The following EP300 variants were observed in gnomAD, a reference collection of about 807,000 sequenced individuals.
EP300 encodes the protein EP300 lysine acetyltransferase.
A neutral mutation model predicts 264.0 loss-of-function variants in EP300; 31 were observed. That is an observed-to-expected ratio of 0.12 (90% confidence interval 0.09 to 0.16). The LOEUF (loss-of-function observed/expected upper bound fraction) is 0.16, where lower values mean the gene tolerates loss of function less well. Among genes scored for constraint, EP300 ranks in the 10% least tolerant of loss-of-function variants. The pLI is 1.00. For synonymous variants in EP300, 1,340 were observed against 1,045.4 expected (o/e 1.28, Z -5.44); for missense variants, 2,766 against 3,052.9 (o/e 0.91, Z 2.21).
rs199568014 is a variant in EP300, at chr22:41,129,841, T to C, written c.1169-49T>C. On this transcript the variant is annotated intron_variant, in intron 4 of 30. Coordinates refer to ENST00000263253, the MANE Select transcript of EP300 (RefSeq NM_001429.4). The stretch of plus-strand genomic sequence containing the variant: ...TGGTCAACAAGTTAGCTATTATTAA[T>C]GTAAAAACATTAACCTGCTCTTGAA... The C allele has an allele frequency of 6.4e-6, 9 of 1,415,738 alleles. No individual in the cohort carries two copies. The Admixed American group carries it at 1.2e-4, about 19-fold the overall frequency. 87.7% of individuals were successfully genotyped at this position (1,415,738 alleles called of 1,614,324 possible).
chr22:41,148,569 A>C (rs1047353024), intron 12 of EP300, among the ~76,000 whole-genome samples: 1 of 152,178 alleles, frequency 6.6e-6, no homozygotes, highest in Non-Finnish European at 1.5e-5. Context: ...AATGACATGT[A>C]ACAGTGCTAG....
Position 41,155,089 on chromosome 22 carries a change from G to A in EP300, c.3237G>A (p.Val1079=), listed in dbSNP as rs2145744920. ...DPESLPFRQP[V]DPQLLGIPDY... is the part of the protein sequence containing the mutation. ...AATCCCTTCCCTTTCGTCAACCTGTGGACCCTCAGCTTTTAGGAATCCCTG... is the reference window on the plus strand; with the variant it reads ...AATCCCTTCCCTTTCGTCAACCTGTAGACCCTCAGCTTTTAGGAATCCCTG... The change falls in exon 17 of 31, where the codon GTG becomes GTA. Residue 1079 remains valine, a synonymous_variant. Coordinates refer to ENST00000263253, the MANE Select transcript of EP300 (RefSeq NM_001429.4). 6.2e-7 allele frequency: 1 copy of A among 1,613,496 alleles called. No homozygotes were observed. The highest frequency in any genetic ancestry group is 8.5e-7 in the Non-Finnish European group (1 of 1,179,552).
At chr22:41,143,091 C>T (rs559465803) in intron 10 of EP300, among the ~76,000 whole-genome samples, 130 of 152,216 alleles carry the variant, frequency 8.5e-4, no homozygotes, top group African/African-American at 3.1e-3. Flanking sequence ...ACCTTTAGCT[C>T]GTACTAAATC....
At chr22:41,127,399 G>A (rs774056191) in intron 3 of EP300, 88 bp from the exon 4 acceptor site, 58 of 1,562,390 alleles carry the variant, frequency 3.7e-5, no homozygotes, top group Non-Finnish European at 5.0e-5. Flanking sequence ...TAACCATAAA[G>A]GTTTTCATTG....
Position 41,176,793 on chromosome 22 carries a change from C to T in EP300, c.5082C>T (p.Thr1694=). 1.1e-5 allele frequency: 17 copies of T among 1,614,110 alleles called. No individual in the cohort carries two copies. Among genetic ancestry groups the T allele is most frequent in the Non-Finnish European group, 1.4e-5 (17 of 1,180,042 alleles). Residue 1694 remains threonine (T), a synonymous_variant, in exon 31 of 31, where the codon ACC becomes ACT. Transcript: ENST00000263253. ...TVCEDYDLCI[T]CYNTKNHDHK... ...CCTAGGATTATGACTTGTGTATCACCTGCTATAACACTAAAAACCATGACC... is the reference window on the plus strand; with the variant it reads ...CCTAGGATTATGACTTGTGTATCACTTGCTATAACACTAAAAACCATGACC...
rs544043242 is a variant in EP300 at position 41,139,123 on chromosome 22, T to C, written c.1761-1017T>C. ...TGTTTGCCACCACACCTGGCTGATATTTGTATTTTTAGTAGAGATGGGGTT... is the reference window on the plus strand; with the variant it reads ...TGTTTGCCACCACACCTGGCTGATACTTGTATTTTTAGTAGAGATGGGGTT... On this transcript the variant is annotated intron_variant, in intron 8 of 30. Coordinates refer to ENST00000263253, the MANE Select transcript of EP300 (RefSeq NM_001429.4). Among the ~76,000 whole-genome samples the C allele has an allele frequency of 2.6e-5, 4 of 152,148 alleles. No homozygotes were observed. The East Asian group carries it at 5.8e-4, about 22-fold the overall frequency.
In EP300 at chr22:41,179,236, C is replaced by A; in HGVS notation, c.*280C>A. The A allele has an allele frequency of 4.6e-6, 2 of 435,954 alleles. No individual in the cohort carries two copies. Among genetic ancestry groups the A allele is most frequent in the Non-Finnish European group, 4.1e-6 (1 of 243,406 alleles). The allele number at this position is 435,954 out of a possible 1,614,324, so 27.0% of individuals were successfully genotyped here. ...AGTGTGCACTGGGAGGAGGCTGAGG[C>A]CTGTGAAGCCAAACAATATGCTCCT... is the stretch of plus-strand genomic sequence containing the variant. On this transcript the variant is annotated 3_prime_UTR_variant, in exon 31 of 31. Coordinates refer to ENST00000263253, the MANE Select transcript of EP300 (RefSeq NM_001429.4).
intron 19 of EP300, 28 bp from the exon 20 acceptor site, chr22:41,160,614 C>G (rs2145752220): frequency 1.2e-6 from 2 of 1,610,246 alleles, no homozygotes; most frequent in African/African-American, 1.3e-5. Flanking sequence ...CGGAACAGTT[C>G]ACCCCAGTAT....
At chr22:41,138,407 G>A (rs891778888) in intron 8 of EP300, among the ~76,000 whole-genome samples, 3 of 152,036 alleles carry the variant, frequency 2.0e-5, no homozygotes, top group African/African-American at 4.8e-5. Context: ...CAAGTGATCC[G>A]CCTGCCTCAG....
chr22:41,119,724 G>A (rs1246619879), intron 2 of EP300, among the ~76,000 whole-genome samples: 3 of 152,100 alleles, frequency 2.0e-5, no homozygotes, highest in Non-Finnish European at 2.9e-5. Flanking sequence ...ATAGAAGTGA[G>A]CAAAACAAAA....
rs1240825120 is a variant in EP300, at chr22:41,159,345, TTTTTC to T, written c.3590+850_3590+854del. On this transcript the variant is annotated intron_variant, in intron 19 of 30. Transcript: ENST00000263253. ...TCTAGCTTTGAAAAGTCACTTAAAC[TTTTTC>T]TTTTATTTACAAAAAGTTAGGCGTG... 8 of 152,320 alleles carry T rather than the reference TTTTTC, an allele frequency of 5.3e-5. No homozygotes were observed. The East Asian group carries it at 1.3e-3, about 26-fold the overall frequency. 9.4% of individuals were successfully genotyped at this position (152,320 alleles called of 1,614,324 possible).
At chr22:41,105,307 G>A (rs1601590933) in intron 1 of EP300, among the ~76,000 whole-genome samples, 1 of 150,710 alleles carries the variant, frequency 6.6e-6, no homozygotes, top group Admixed American at 6.6e-5. Context: ...GGCGGAGGTT[G>A]CCATGAGCTG....
chr22:41,146,952 G>A, intron 11 of EP300, 136 bp downstream of exon 11: 2 of 784,746 alleles, frequency 2.5e-6, no homozygotes, highest in South Asian at 1.5e-5. Context: ...AGGGGGTGAA[G>A]AGCAGGTTGG....
At chr22:41,135,716 T>C (rs2058946711) in intron 6 of EP300, 97 bp from the exon 7 acceptor site, 3 of 956,204 alleles carry the variant, frequency 3.1e-6, no homozygotes, top group Non-Finnish European at 5.0e-6. Context: ...CTGCAAATTT[T>C]TTTTCTGATT....
At chr22:41,120,394 A>G (rs546649687) in intron 2 of EP300, among the ~76,000 whole-genome samples, 2 of 152,278 alleles carry the variant, frequency 1.3e-5, no homozygotes, top group Admixed American at 6.5e-5. Context: ...AAGTCCTAAA[A>G]TTATCTTGTA....
chr22:41,122,056 A>G (rs1330580466), intron 2 of EP300, among the ~76,000 whole-genome samples: 1 of 152,124 alleles, frequency 6.6e-6, no homozygotes, highest in Admixed American at 6.5e-5. Flanking sequence ...TACCAAAAGT[A>G]GCCTGGACTT....
chr22:41,176,725 T>A (rs781264429), intron 30 of EP300, 48 bp from the exon 31 acceptor site: 3 of 1,613,348 alleles, frequency 1.9e-6, no homozygotes, highest in Admixed American at 3.3e-5. Context: ...TACTTTTGAA[T>A]GACTTAAATC....
At chr22:41,096,972 A>G (rs1435697064) in intron 1 of EP300, among the ~76,000 whole-genome samples, 1 of 152,178 alleles carries the variant, frequency 6.6e-6, no homozygotes, top group African/African-American at 2.4e-5. Flanking sequence ...CATCCTAACC[A>G]AAACATTTTG....
chr22:41,142,224 A>G (rs1269256524), intron 10 of EP300, among the ~76,000 whole-genome samples: 1 of 152,194 alleles, frequency 6.6e-6, no homozygotes, highest in Non-Finnish European at 1.5e-5. Flanking sequence ...AGGAAATGCT[A>G]ATGACCTCTA....
Sources: allele counts gnomAD v4.1 joint callset (sites outside exome capture counted in the v4.1 genomes callset), GRCh38; gene constraint gnomAD v4.1.1; transcripts MANE v1.5; gene names NCBI Gene and HGNC (gene_info 2026-07-23, HGNC 2026-07-21).